The following MAGI1 variants were observed in gnomAD, a reference collection of about 807,000 sequenced individuals.
The protein encoded by MAGI1 is membrane-associated guanylate kinase, WW and PDZ domain-containing protein 1.
In MAGI1, 58 loss-of-function variants were observed where a neutral mutation model predicts 139.9. The observed-to-expected ratio is 0.41, with a 90% CI of 0.34 to 0.52. MAGI1 has a LOEUF of 0.52. Among genes scored for constraint, MAGI1 ranks in the 20% least tolerant of loss-of-function variants. The pLI is 0.12. For synonymous variants in MAGI1, 812 were observed against 737.9 expected (o/e 1.10, Z -1.63); for missense variants, 1,874 against 1,901.6 (o/e 0.99, Z 0.27).
At chr3:65,786,678 C>A (rs1330595018) in intron 1 of MAGI1, among the ~76,000 whole-genome samples, 3 of 146,860 alleles carry the variant, frequency 2.0e-5, no homozygotes, top group African/African-American at 7.6e-5. Flanking sequence ...GTGGCACGAT[C>A]TCCGCTCACT....
chr3:65,541,042 C>CTAAAGAAAAG (rs2079188914), intron 2 of MAGI1, among the ~76,000 whole-genome samples: 2 of 152,042 alleles, frequency 1.3e-5, no homozygotes, highest in Admixed American at 1.3e-4. Flanking sequence ...ATATTCTTTC[C>CTAAAGAAAAG]AAGGGAAATC....
At chr3:66,033,121 T>C (rs888200444) in intron 1 of MAGI1, among the ~76,000 whole-genome samples, 14 of 151,740 alleles carry the variant, frequency 9.2e-5, no homozygotes, top group Non-Finnish European at 1.9e-4. Flanking sequence ...CTCTGCCTCC[T>C]GGTCTCAAGC....
In MAGI1 at chr3:65,434,727, C is replaced by T. The variant is rs1437383499; in HGVS notation, c.1363+2428G>A. Among the ~76,000 whole-genome samples, 3 of 152,060 alleles carry T rather than the reference C, an allele frequency of 2.0e-5. 1 individual carries two copies. Among genetic ancestry groups the T allele is most frequent in the Admixed American group, 2.0e-4 (3 of 15,262 alleles). On this transcript the variant is annotated intron_variant, in intron 10 of 22. Transcript: ENST00000402939. ...GTTTATTGAAATCACAGCTTGGAGC[C>T]AAATGGTATGGATTTTAACTGGTTT...
intron 4 of MAGI1, among the ~76,000 whole-genome samples, chr3:65,476,542 T>C (rs1950901397): frequency 1.3e-5 from 2 of 152,160 alleles, no homozygotes; most frequent in Non-Finnish European, 2.9e-5. Flanking sequence ...GGAAATTGCA[T>C]CTAGACTTAC....
At chr3:65,703,644 A>T (rs895281239) in intron 1 of MAGI1, among the ~76,000 whole-genome samples, 1 of 152,208 alleles carries the variant, frequency 6.6e-6, no homozygotes, top group Non-Finnish European at 1.5e-5. Context: ...CTAAGGTCAC[A>T]CTAATAGAAA....
At chr3:65,604,264 A>G (rs2082627267) in intron 2 of MAGI1, among the ~76,000 whole-genome samples, 1 of 152,172 alleles carries the variant, frequency 6.6e-6, no homozygotes, top group African/African-American at 2.4e-5. Flanking sequence ...TAAAAATGAA[A>G]AACACTCTTC....
intron 7 of MAGI1, 64 bp downstream of exon 7, chr3:65,447,958 A>G: frequency 1.3e-6 from 2 of 1,563,774 alleles, no homozygotes; most frequent in Non-Finnish European, 1.8e-6. Flanking sequence ...TTCACTGGGG[A>G]AGAAAACCAT....
chr3:65,517,583 T>G (rs1350132116), intron 2 of MAGI1, among the ~76,000 whole-genome samples: 2 of 152,184 alleles, frequency 1.3e-5, no homozygotes, highest in African/African-American at 4.8e-5. Context: ...TTCCCATATG[T>G]TTGCTGTTCC....
intron 1 of MAGI1, among the ~76,000 whole-genome samples, chr3:65,950,690 C>A (rs144403285): frequency 1.3e-5 from 2 of 152,036 alleles, no homozygotes; most frequent in Non-Finnish European, 2.9e-5. Context: ...CTGGTTGGAA[C>A]GGAAATTACA....
intron 2 of MAGI1, among the ~76,000 whole-genome samples, chr3:65,590,000 C>T (rs185721824): frequency 2.0e-3 from 298 of 152,194 alleles, no homozygotes; most frequent in African/African-American, 6.7e-3. Flanking sequence ...TGACTTAATC[C>T]CTTCCCAGAA....
intron 7 of MAGI1, among the ~76,000 whole-genome samples, chr3:65,447,731 T>C (rs6768607): frequency 0.66 from 100,967 of 152,124 alleles, 34,848 homozygotes; most frequent in East Asian, 0.95. Flanking sequence ...TTCGGTTCTT[T>C]CCCAATCCTC....
intron 1 of MAGI1, among the ~76,000 whole-genome samples, chr3:65,881,671 C>G (rs2060334976): frequency 1.3e-5 from 2 of 152,018 alleles, no homozygotes; most frequent in Non-Finnish European, 2.9e-5. Context: ...ATAATAAGCT[C>G]ATCACACATT....
intron 1 of MAGI1, among the ~76,000 whole-genome samples, chr3:65,749,985 G>C (rs62244006): frequency 0.12 from 17,609 of 152,088 alleles, 1,168 homozygotes; most frequent in African/African-American, 0.15. Context: ...TGAGAGATGG[G>C]GTCAGGAAGG....
At position 65,356,462 on chromosome 3, in the gene MAGI1, T is replaced by C; in HGVS notation, c.4305A>G (p.Lys1435=). 1 of 1,612,144 alleles carries C rather than the reference T, an allele frequency of 6.2e-7. No individual in the cohort carries two copies. The highest frequency in any genetic ancestry group is 1.1e-5 in the South Asian group (1 of 91,052). Residue 1435 remains lysine (K), a synonymous_variant, in exon 23 of 23, where the codon AAA becomes AAG. Coordinates refer to ENST00000402939, the MANE Select transcript of MAGI1 (RefSeq NM_001033057.2). ...SHREREEANL[K]QDAGRSSRHP... ...GTCTGGAACTTCTGCCGGCATCCTGTTTCAGATTCGCCTCTTCCCTTTCTC... is the reference window on the plus strand; with the variant it reads ...GTCTGGAACTTCTGCCGGCATCCTGCTTCAGATTCGCCTCTTCCCTTTCTC...
intron 5 of MAGI1, chr3:65,469,910 AT>A: frequency 6.8e-6 from 1 of 147,922 alleles, no homozygotes; most frequent in Middle Eastern, 3.6e-3. Flanking sequence ...TAATATATTT[AT>A]TTTTAAATAT....
chr3:65,785,199 TA>T (rs2039285429), intron 1 of MAGI1, among the ~76,000 whole-genome samples: 1 of 149,388 alleles, frequency 6.7e-6, no homozygotes, highest in Admixed American at 6.6e-5. Context: ...AAGTAATTTT[TA>T]TTTAAGGAAG....
chr3:66,038,572 G>C lies in MAGI1; in HGVS notation c.-264C>G. 1 of 448,104 alleles carries C rather than the reference G, an allele frequency of 2.2e-6. No individual in the cohort carries two copies. The highest frequency in any genetic ancestry group is 3.9e-6 in the Non-Finnish European group (1 of 258,444). The allele number at this position is 448,104 out of a possible 1,614,324, so 27.8% of individuals were successfully genotyped here. A position where few individuals can be genotyped will look rare whatever the true frequency, so the allele number is the denominator to read the frequency against. ...TCCGGTGCCTCTGGGTCCACGTTCC[G>C]GCGCCCGCCCGTGCTCTCCCGGACC... On this transcript the variant is annotated 5_prime_UTR_variant, in exon 1 of 23. Coordinates refer to ENST00000402939, the MANE Select transcript of MAGI1 (RefSeq NM_001033057.2).
At chr3:65,647,748 A>C (rs537046925) in intron 1 of MAGI1, among the ~76,000 whole-genome samples, 17 of 152,314 alleles carry the variant, frequency 1.1e-4, no homozygotes, top group African/African-American at 4.1e-4. Flanking sequence ...TGCAAGTTCC[A>C]TTCTTTATGT....
At chr3:65,637,745 G>A (rs1006213990) in intron 1 of MAGI1, among the ~76,000 whole-genome samples, 1 of 152,114 alleles carries the variant, frequency 6.6e-6, no homozygotes, top group Admixed American at 6.5e-5. Context: ...TTTAGGGCTG[G>A]GAACACAGGT....
Sources: gnomAD v4.1 joint callset for allele counts (sites outside exome capture counted in the v4.1 genomes callset) on GRCh38, gnomAD v4.1.1 for gene constraint, MANE v1.5 for transcripts, NCBI Gene and HGNC (gene_info 2026-07-23, HGNC 2026-07-21) for gene names.